The following FOXP2 variants were observed in gnomAD, a reference collection of about 807,000 sequenced individuals.
The protein encoded by FOXP2 is forkhead box protein P2.
In FOXP2, 12 loss-of-function variants were observed where a neutral mutation model predicts 115.8. That is an observed-to-expected ratio of 0.10 (90% confidence interval 0.07 to 0.17). FOXP2 has a LOEUF of 0.17. Ranked by LOEUF, FOXP2 falls within the 10% of genes least tolerant of loss-of-function variation. FOXP2 has a pLI of 1.00. For synonymous variants in FOXP2, 328 were observed against 297.7 expected (o/e 1.10, Z -1.05); for missense variants, 629 against 843.5 (o/e 0.75, Z 3.15).
chr7:114,406,093 A>G (rs1360585778), intron 2 of FOXP2, among the ~76,000 whole-genome samples: 2 of 105,680 alleles, frequency 1.9e-5, no homozygotes, highest in Non-Finnish European at 4.4e-5. Flanking sequence ...TGATTTGTAT[A>G]TGCAACAAAT....
intron 3 of FOXP2, among the ~76,000 whole-genome samples, chr7:114,551,480 T>C (rs1394457629): frequency 6.6e-6 from 1 of 152,198 alleles, no homozygotes; most frequent in African/African-American, 2.4e-5. Context: ...TTTAGTGAAT[T>C]ACCCATCACT....
intron 1 of FOXP2, among the ~76,000 whole-genome samples, chr7:114,139,686 T>C (rs2129146817): frequency 6.6e-6 from 1 of 152,318 alleles, no homozygotes; most frequent in South Asian, 2.1e-4. Context: ...ACTACTGTAT[T>C]GTAGCTTTTA....
intron 1 of FOXP2, among the ~76,000 whole-genome samples, chr7:114,282,816 A>T (rs374892705): frequency 1.3e-5 from 2 of 152,094 alleles, no homozygotes; most frequent in East Asian, 1.9e-4. Flanking sequence ...CATTTTAGCT[A>T]TTTATTTTTT....
intron 2 of FOXP2, among the ~76,000 whole-genome samples, chr7:114,514,051 A>G (rs1798204516): frequency 6.6e-6 from 1 of 151,268 alleles, no homozygotes; most frequent in Non-Finnish European, 1.5e-5. Flanking sequence ...ATATATCACT[A>G]ACATTTTTAA....
chr7:114,149,902 G>C (rs967749465), intron 1 of FOXP2, among the ~76,000 whole-genome samples: 2 of 151,878 alleles, frequency 1.3e-5, no homozygotes, highest in African/African-American at 4.8e-5. Context: ...CAGGAAATTT[G>C]GTTTGAGGAC....
chr7:114,223,415 G>A (rs759150737), intron 1 of FOXP2, among the ~76,000 whole-genome samples: 32 of 147,662 alleles, frequency 2.2e-4, no homozygotes, highest in African/African-American at 4.0e-4. Flanking sequence ...TTTTTTTGTC[G>A]CTTTCCCATT....
chr7:114,384,084 C>T (rs1466545159), intron 2 of FOXP2, among the ~76,000 whole-genome samples: 1 of 151,924 alleles, frequency 6.6e-6, no homozygotes, highest in Admixed American at 6.6e-5. Flanking sequence ...GGTGTGTCAC[C>T]ACCCATGGAC....
At chr7:114,312,334 G>A (rs556288686) in intron 2 of FOXP2, among the ~76,000 whole-genome samples, 3 of 152,180 alleles carry the variant, frequency 2.0e-5, no homozygotes, top group South Asian at 2.1e-4. Flanking sequence ...TGGGCAGCTT[G>A]TTTTATTTCT....
chr7:114,112,579 C>T (rs1275506994), intron 1 of FOXP2, among the ~76,000 whole-genome samples: 6 of 152,024 alleles, frequency 3.9e-5, no homozygotes, highest in Non-Finnish European at 7.4e-5. Context: ...GGATTACAGG[C>T]GTGAGTCACT....
chr7:114,521,344 A>G (rs985909044), intron 2 of FOXP2, among the ~76,000 whole-genome samples: 2 of 151,844 alleles, frequency 1.3e-5, no homozygotes, highest in East Asian at 3.9e-4. Context: ...TAAAAGGGAG[A>G]TTAGAGTGAG....
chr7:114,101,316 G>T (rs919434953), intron 1 of FOXP2, among the ~76,000 whole-genome samples: 1 of 152,154 alleles, frequency 6.6e-6, no homozygotes. Context: ...AAGACATGCA[G>T]AAACAGGAGA....
intron 3 of FOXP2, among the ~76,000 whole-genome samples, chr7:114,544,409 T>A (rs1240564175): frequency 1.3e-5 from 2 of 152,220 alleles, no homozygotes; most frequent in African/African-American, 4.8e-5. Flanking sequence ...TTGTGCCTAT[T>A]TTTACAGTTT....
intron 6 of FOXP2, among the ~76,000 whole-genome samples, chr7:114,635,535 T>A (rs1344607045): frequency 6.6e-6 from 1 of 152,174 alleles, no homozygotes; most frequent in Non-Finnish European, 1.5e-5. Flanking sequence ...CCAAGCTACC[T>A]GTGAATGCTG....
chr7:114,656,418 T>C (rs1387315848), intron 10 of FOXP2: 1 of 397,078 alleles, frequency 2.5e-6, no homozygotes, highest in African/African-American at 2.1e-5. Context: ...GTTATGTATA[T>C]GTTCTGATGT....
Position 114,348,119 on chromosome 7 carries a change from T to C in FOXP2, c.-11+60010T>C, listed in dbSNP as rs141274032. 2.4e-4 allele frequency among the ~76,000 whole-genome samples: 36 copies of C among 152,204 alleles called. No individual in the cohort carries two copies. The East Asian group carries it at 5.6e-3, about 24-fold the overall frequency. ...TAGAGAATTACGTGGTAAATCACAG[T>C]TGAAATACAAGAGTTTTATAGCAAG... On this transcript the variant is annotated intron_variant, in intron 2 of 17. Transcript: ENST00000634411.
At chr7:114,271,724 T>A (rs1197718048) in intron 1 of FOXP2, among the ~76,000 whole-genome samples, 2 of 117,654 alleles carry the variant, frequency 1.7e-5, no homozygotes, top group Admixed American at 2.1e-4. Flanking sequence ...ACATATGTAT[T>A]AAATATATAT....
chr7:114,650,043 A>G (rs994152170), intron 8 of FOXP2, among the ~76,000 whole-genome samples: 3 of 152,162 alleles, frequency 2.0e-5, no homozygotes, highest in African/African-American at 4.8e-5. Flanking sequence ...TTTGTGTTCC[A>G]CTGAAAAATT....
chr7:114,442,060 C>G (rs1484344364), intron 2 of FOXP2, among the ~76,000 whole-genome samples: 1 of 152,114 alleles, frequency 6.6e-6, no homozygotes, highest in African/African-American at 2.4e-5. Flanking sequence ...GGATATATAG[C>G]AGCATTACTT....
At chr7:114,220,230 T>G (rs1794588561) in intron 1 of FOXP2, among the ~76,000 whole-genome samples, 1 of 151,948 alleles carries the variant, frequency 6.6e-6, no homozygotes, top group African/African-American at 2.4e-5. Flanking sequence ...GTTTCTTTTT[T>G]TCTCCTAAAA....
Sources: allele counts gnomAD v4.1 joint callset (sites outside exome capture counted in the v4.1 genomes callset), GRCh38; gene constraint gnomAD v4.1.1; transcripts MANE v1.5; gene names NCBI Gene and HGNC (gene_info 2026-07-23, HGNC 2026-07-21).